The following RB1 variants were observed in gnomAD, a reference collection of about 807,000 sequenced individuals.
The protein encoded by RB1 is retinoblastoma-associated protein.
In RB1, 18 loss-of-function variants were observed where a neutral mutation model predicts 135.4. The ratio of observed to expected loss-of-function variants is 0.13; its 90% CI spans 0.09 to 0.20. The LOEUF is 0.20. RB1 is among the 10% of genes least tolerant of loss of function. RB1 has a pLI of 1.00. For synonymous variants in RB1, 365 were observed against 373.2 expected (o/e 0.98, Z 0.25); for missense variants, 868 against 1,110.0 (o/e 0.78, Z 3.10).
At chr13:48,430,770 A>C (rs71428271) in intron 17 of RB1, among the ~76,000 whole-genome samples, 119,433 of 150,464 alleles carry the variant, frequency 0.79, 52,298 homozygotes, top group Non-Finnish European at 0.97. Flanking sequence ...ACAAACAAAA[A>C]AAAAAAACAG....
chr13:48,465,742 C>T (rs1453681700), intron 23 of RB1, among the ~76,000 whole-genome samples: 1 of 151,404 alleles, frequency 6.6e-6, no homozygotes, highest in African/African-American at 2.4e-5. Flanking sequence ...ATTGCCTCAC[C>T]TGGGAAGCGC....
chr13:48,434,895 G>C (rs1023699576), intron 17 of RB1, among the ~76,000 whole-genome samples: 2 of 152,102 alleles, frequency 1.3e-5, no homozygotes, highest in African/African-American at 4.8e-5. Flanking sequence ...TGTATCAATA[G>C]TTCATACCTT....
chr13:48,426,297 C>G (rs555924433), intron 17 of RB1, among the ~76,000 whole-genome samples: 2 of 152,290 alleles, frequency 1.3e-5, no homozygotes, highest in South Asian at 4.1e-4. Flanking sequence ...TGTGGGAAAT[C>G]ATGGAACAAT....
intron 17 of RB1, chr13:48,401,547 C>T (rs1246309075): frequency 6.6e-6 from 1 of 152,160 alleles, no homozygotes; most frequent in Non-Finnish European, 1.5e-5. Flanking sequence ...TTTCATTTTT[C>T]CAACTATTTA....
At position 48,307,317 on chromosome 13, in the gene RB1, G is replaced by A. The variant is rs184754468; in HGVS notation, c.175G>A (p.Ala59Thr). Residue 59 changes from alanine (A) to threonine (T), a missense_variant, in exon 2 of 27, where the codon GCA becomes ACA. This residue lies in a region of RB1 where 641 missense variants were observed against 791.3 expected (regional missense o/e 0.81). Transcript: ENST00000267163. ...FEETEEPDFT[A>T]LCQKLKIPDH... is the part of the protein sequence containing the mutation. ...AGAAACAGAAGAACCTGATTTTACT[G>A]CATTATGTCAGAAATTAAAGATACC... 6.2e-7 allele frequency: 1 copy of A among 1,609,810 alleles called. No homozygotes were observed. Among genetic ancestry groups the A allele is most frequent in the Non-Finnish European group, 8.5e-7 (1 of 1,176,370 alleles).
intron 17 of RB1, among the ~76,000 whole-genome samples, chr13:48,424,880 C>T (rs112919227): frequency 0.051 from 7,706 of 152,014 alleles, 554 homozygotes; most frequent in African/African-American, 0.14. Context: ...TGGTGAAACT[C>T]TGTCTCTACT....
chr13:48,430,967 G>A (rs952155121), intron 17 of RB1, among the ~76,000 whole-genome samples: 1 of 152,016 alleles, frequency 6.6e-6, no homozygotes, highest in Non-Finnish European at 1.5e-5. Context: ...GGCTTTCTAA[G>A]TATTATATAA....
At chr13:48,461,658 TC>T (rs1267897049) in intron 20 of RB1, among the ~76,000 whole-genome samples, 7 of 151,712 alleles carry the variant, frequency 4.6e-5, no homozygotes, top group Non-Finnish European at 1.5e-5. Context: ...AACTTTTTTA[TC>T]TTTTTTTTTT....
intron 17 of RB1, among the ~76,000 whole-genome samples, chr13:48,414,061 T>G (rs1948865074): frequency 6.6e-6 from 1 of 152,104 alleles, no homozygotes; most frequent in African/African-American, 2.4e-5. Context: ...TATACTCATA[T>G]TTTGGGCCAG....
intron 2 of RB1, chr13:48,320,080 G>T: frequency 1.6e-6 from 1 of 614,384 alleles, no homozygotes; most frequent in Non-Finnish European, 2.8e-6. Context: ...GGTACTCCCG[G>T]ATGGCTTCCG....
intron 17 of RB1, among the ~76,000 whole-genome samples, chr13:48,421,348 C>T (rs1949002603): frequency 6.6e-6 from 1 of 152,100 alleles, no homozygotes; most frequent in Non-Finnish European, 1.5e-5. Flanking sequence ...CTTTCTTACA[C>T]CTTATACAAA....
chr13:48,318,954 A>G, intron 2 of RB1: 1 of 912,262 alleles, frequency 1.1e-6, no homozygotes, highest in Admixed American at 1.7e-5. Context: ...AGGGAGTAGA[A>G]GCGTGGGCTT....
At chr13:48,429,600 CA>C (rs1949109623) in intron 17 of RB1, 1 of 150,966 alleles carries the variant, frequency 6.6e-6, no homozygotes, top group South Asian at 2.1e-4. Context: ...AAAAAAAAAA[CA>C]AAAAACCTTG....
chr13:48,331,106 C>T (rs1191432344), intron 2 of RB1, among the ~76,000 whole-genome samples: 1 of 152,166 alleles, frequency 6.6e-6, no homozygotes, highest in African/African-American at 2.4e-5. Flanking sequence ...AAACTCTCAA[C>T]AAGTTAGGTA....
intron 1 of RB1, among the ~76,000 whole-genome samples, chr13:48,305,432 G>A (rs1952072780): frequency 6.6e-6 from 1 of 152,174 alleles, no homozygotes; most frequent in Non-Finnish European, 1.5e-5. Flanking sequence ...TTTAGTTTCT[G>A]ATTAAATTCT....
At chr13:48,343,246 A>C (rs558220679) in intron 3 of RB1, among the ~76,000 whole-genome samples, 1 of 152,260 alleles carries the variant, frequency 6.6e-6, no homozygotes, top group Non-Finnish European at 1.5e-5. Context: ...AGAGTTTATT[A>C]ATGTGTTTTC....
chr13:48,313,071 G>C (rs1952145083), intron 2 of RB1, among the ~76,000 whole-genome samples: 1 of 151,824 alleles, frequency 6.6e-6, no homozygotes, highest in African/African-American at 2.4e-5. Flanking sequence ...TATTTCCATT[G>C]TTGGCCCCCA....
At chr13:48,409,989 T>C (rs1362072875) in intron 17 of RB1, among the ~76,000 whole-genome samples, 1 of 152,182 alleles carries the variant, frequency 6.6e-6, no homozygotes, top group Non-Finnish European at 1.5e-5. Flanking sequence ...TTTAGTGAAA[T>C]GAAAATATAG....
intron 17 of RB1, among the ~76,000 whole-genome samples, chr13:48,450,348 C>T (rs960063556): frequency 2.0e-5 from 3 of 152,136 alleles, no homozygotes; most frequent in Non-Finnish European, 4.4e-5. Context: ...CTGCATATGA[C>T]TAGCCAATTC....
Sources: gnomAD v4.1 joint callset for allele counts (sites outside exome capture counted in the v4.1 genomes callset) on GRCh38, gnomAD v4.1.1 for gene constraint, gnomAD v4.1.1 regional missense constraint, MANE v1.5 for transcripts, NCBI Gene and HGNC (gene_info 2026-07-23, HGNC 2026-07-21) for gene names.